MAGT1: variants seen among roughly 807,000 people sequenced by gnomAD.
MAGT1 encodes magnesium transporter 1, also known as dolichyl-diphosphooligosaccharide--protein glycosyltransferase subunit MAGT1.
In MAGT1, 4 loss-of-function variants were observed where a neutral mutation model predicts 28.4. The observed-to-expected ratio is 0.14, with a 90% CI of 0.07 to 0.32. The LOEUF is 0.32. Ranked by LOEUF, MAGT1 falls within the 10% of genes least tolerant of loss-of-function variation. The probability of loss-of-function intolerance (pLI) is 1.00; values close to 1 mark genes in which losing one functional copy is unlikely to be tolerated. For synonymous variants in MAGT1, 89 were observed against 89.7 expected, an observed-to-expected ratio of 0.99 and a Z score of 0.04; for missense variants, 193 against 264.5, an observed-to-expected ratio of 0.73 and a Z score of 1.88.
intron 7 of MAGT1, among the ~76,000 whole-genome samples, chrX:77,844,241 T>A (rs1475289920): frequency 8.9e-6 from 1 of 111,877 alleles, no homozygotes; most frequent in African/African-American, 3.3e-5. Flanking sequence ...TGTGTAGAGG[T>A]GTTTATAGTG....
chrX:77,836,724 C>T (rs1300109945), intron 8 of MAGT1, among the ~76,000 whole-genome samples: 3 of 110,067 alleles, frequency 2.7e-5, no homozygotes, highest in Non-Finnish European at 3.8e-5. Flanking sequence ...GACAATGTAG[C>T]GAGGCCCCAT....
At chrX:77,842,436 A>T (rs533369028) in intron 7 of MAGT1, among the ~76,000 whole-genome samples, 1 of 111,558 alleles carries the variant, frequency 9.0e-6, no homozygotes, top group South Asian at 3.7e-4. Flanking sequence ...TATTTTTTAA[A>T]TTTTTCCCAT....
At chrX:77,875,711 G>A in intron 1 of MAGT1, 114 bp from the exon 2 acceptor site, 1 of 798,243 alleles carries the variant, frequency 1.3e-6, no homozygotes, top group South Asian at 2.3e-5. Flanking sequence ...TACAGAAAAT[G>A]TGAGACCTAA....
Position 77,857,276 on chromosome X carries a change from G to C in MAGT1, c.531+81C>G, listed in dbSNP as rs2076983607. Reference sequence around the variant, plus strand: ...AACTAGTACCACCTCAGTGATATGGGGACAAGACTAATTAGGGCCTCCCAG... The same window carrying C: ...AACTAGTACCACCTCAGTGATATGGCGACAAGACTAATTAGGGCCTCCCAG... On this transcript the variant is annotated intron_variant, in intron 4 of 9. Transcript: ENST00000618282. 4 of 1,132,198 alleles carry C rather than the reference G, an allele frequency of 3.5e-6. No individual in the cohort carries two copies. In the South Asian group the frequency reaches 5.4e-5, roughly 15 times the overall value. The allele number at this position is 1,132,198 out of a possible 1,213,427, so 93.3% of individuals were successfully genotyped here.
chrX:77,870,336 C>T (rs1246428144), intron 3 of MAGT1, among the ~76,000 whole-genome samples: 2 of 110,129 alleles, frequency 1.8e-5, no homozygotes, highest in African/African-American at 6.6e-5. Flanking sequence ...GTACCAAAAT[C>T]CAGAAATCAC....
chrX:77,863,654 T>TG (rs1469245372), intron 3 of MAGT1, among the ~76,000 whole-genome samples: 3 of 112,268 alleles, frequency 2.7e-5, no homozygotes, highest in African/African-American at 9.7e-5. Flanking sequence ...CACCCCCATG[T>TG]TTACTGCAGC....
chrX:77,880,705 C>A (rs1261650594), intron 1 of MAGT1, among the ~76,000 whole-genome samples: 8 of 110,244 alleles, frequency 7.3e-5, no homozygotes, highest in Non-Finnish European at 1.5e-4. Flanking sequence ...CGCCTGTAAT[C>A]CCAACACTTT....
At chrX:77,881,060 A>G (rs1557218384) in intron 1 of MAGT1, among the ~76,000 whole-genome samples, 1 of 109,321 alleles carries the variant, frequency 9.1e-6, no homozygotes, top group Non-Finnish European at 1.9e-5. Flanking sequence ...GCTGTGGGAG[A>G]GAATGAACCA....
chrX:77,847,452 T>G (rs782410966), intron 7 of MAGT1, among the ~76,000 whole-genome samples: 15 of 112,009 alleles, frequency 1.3e-4, no homozygotes, highest in Non-Finnish European at 2.6e-4. Context: ...GCACCCACTG[T>G]CTGACAATCC....
chrX:77,870,306 A>AC (rs1557217222), intron 3 of MAGT1, among the ~76,000 whole-genome samples: 1 of 110,847 alleles, frequency 9.0e-6, no homozygotes, highest in Non-Finnish European at 1.9e-5. Context: ...GGTACAGTGT[A>AC]CGCTGCTCAG....
At chrX:77,893,250 A>G (rs1557219632) in intron 1 of MAGT1, among the ~76,000 whole-genome samples, 1 of 112,340 alleles carries the variant, frequency 8.9e-6, no homozygotes, top group African/African-American at 3.2e-5. Context: ...AAGAAAGAAG[A>G]TACTGTTTGA....
chrX:77,878,745 G>A (rs1431358935), intron 1 of MAGT1, among the ~76,000 whole-genome samples: 3 of 98,952 alleles, frequency 3.0e-5, no homozygotes, highest in African/African-American at 1.1e-4. Flanking sequence ...AGCCGAGATC[G>A]TGCCACTGCA....
rs958932929 is a variant in MAGT1, at chrX:77,832,407, A to G, written c.902-1512T>C. Reference sequence around the variant, plus strand: ...AACACTAATGATAGCTGATAAGCTGAAAAAAAAAAAAATTGCAGAAAAAAA... The same window carrying G: ...AACACTAATGATAGCTGATAAGCTGGAAAAAAAAAAAATTGCAGAAAAAAA... On this transcript the variant is annotated intron_variant, in intron 8 of 9. Coordinates refer to ENST00000618282, the MANE Select transcript of MAGT1 (RefSeq NM_001367916.1). 2.0e-4 allele frequency among the ~76,000 whole-genome samples: 18 copies of G among 91,662 alleles called. 1 individual carries two copies. Among genetic ancestry groups the G allele is most frequent in the South Asian group, 8.5e-4 (2 of 2,345 alleles). 79.6% of individuals were successfully genotyped at this position (91,662 alleles called of 115,157 possible). A position where few individuals can be genotyped will look rare whatever the true frequency, so the allele number is the denominator to read the frequency against.
intron 2 of MAGT1, 83 bp downstream of exon 2, chrX:77,875,345 G>C: frequency 2.2e-6 from 2 of 906,735 alleles, no homozygotes; most frequent in Non-Finnish European, 3.2e-6. Flanking sequence ...AGTACCTACT[G>C]CACTAACTTG....
chrX:77,864,266 C>T (rs868940136), intron 3 of MAGT1, among the ~76,000 whole-genome samples: 1 of 1,178 alleles, frequency 8.5e-4, no homozygotes, highest in African/African-American at 4.7e-3. Context: ...TTGTGGTGGG[C>T]GGGGTGGGGG....
At chrX:77,873,247 C>T (rs2077024766) in intron 2 of MAGT1, among the ~76,000 whole-genome samples, 1 of 111,922 alleles carries the variant, frequency 8.9e-6, no homozygotes, top group South Asian at 3.7e-4. Flanking sequence ...TGACTATACC[C>T]TAGCTCCAGG....
chrX:77,837,740 T>A (rs782603218), intron 8 of MAGT1, among the ~76,000 whole-genome samples: 24 of 111,983 alleles, frequency 2.1e-4, no homozygotes, highest in Non-Finnish European at 3.0e-4. Context: ...CATTTAACTT[T>A]TTTATTTATT....
chrX:77,889,273 G>A (rs782667682), intron 1 of MAGT1, among the ~76,000 whole-genome samples: 1 of 103,885 alleles, frequency 9.6e-6, no homozygotes, highest in African/African-American at 3.5e-5. Context: ...GAGCCACCAC[G>A]CCTGGCCTCA....
At chrX:77,893,359 G>C (rs1557219641) in intron 1 of MAGT1, among the ~76,000 whole-genome samples, 1 of 111,462 alleles carries the variant, frequency 9.0e-6, no homozygotes, top group Non-Finnish European at 1.9e-5. Context: ...CATGAAAAGG[G>C]TGAATGTACT....
Sources: gnomAD v4.1 joint callset for allele counts (sites outside exome capture counted in the v4.1 genomes callset) on GRCh38, gnomAD v4.1.1 for gene constraint, MANE v1.5 for transcripts, NCBI Gene and HGNC (gene_info 2026-07-23, HGNC 2026-07-21) for gene names.